Variants in C18orf63 observed in about 807,000 individuals in gnomAD.
C18orf63 encodes the protein uncharacterized protein C18orf63.
In C18orf63, 50 loss-of-function variants were observed where a neutral mutation model predicts 75.3. That is an observed-to-expected ratio of 0.66 (90% CI 0.53 to 0.84). C18orf63 has a LOEUF of 0.84. C18orf63 is among the 40% of genes least tolerant of loss of function. The pLI is 0.00. For synonymous variants in C18orf63, 232 were observed against 267.6 expected, an observed-to-expected ratio of 0.87 and a Z score of 1.30; for missense variants, 732 against 800.2, an observed-to-expected ratio of 0.91 and a Z score of 1.03.
Position 74,354,532 on chromosome 18 carries a change from G to C in C18orf63, c.*19G>C. 1 of 1,363,774 alleles carries C rather than the reference G, an allele frequency of 7.3e-7. No individual in the cohort carries two copies. 84.5% of individuals were successfully genotyped at this position (1,363,774 alleles called of 1,614,324 possible). A position where few individuals can be genotyped will look rare whatever the true frequency, so the allele number is the denominator to read the frequency against. On this transcript the variant is annotated 3_prime_UTR_variant, in exon 13 of 14. Coordinates refer to ENST00000579455, the MANE Select transcript of C18orf63 (RefSeq NM_001174123.2). Reference sequence around the variant, plus strand: ...TGCTTAGAACATGGACCTGAAAGAAGGAAATGTCTACCAGGTAACTGAAGT... The same window carrying C: ...TGCTTAGAACATGGACCTGAAAGAACGAAATGTCTACCAGGTAACTGAAGT...
At chr18:74,352,655 C>G (rs1984687211) in intron 11 of C18orf63, among the ~76,000 whole-genome samples, 1 of 152,148 alleles carries the variant, frequency 6.6e-6, no homozygotes, top group African/African-American at 2.4e-5. Flanking sequence ...TCATTAATTT[C>G]TTTCAACAAG....
intron 7 of C18orf63, among the ~76,000 whole-genome samples, chr18:74,336,250 A>G (rs1984389316): frequency 6.6e-6 from 1 of 151,888 alleles, no homozygotes; most frequent in African/African-American, 2.4e-5. Context: ...TTTTGGTTCA[A>G]ATTTGTATGT....
intron 11 of C18orf63, among the ~76,000 whole-genome samples, chr18:74,346,722 C>G (rs1021009640): frequency 1.3e-5 from 2 of 152,062 alleles, no homozygotes; most frequent in Non-Finnish European, 2.9e-5. Context: ...CAGAACAATG[C>G]ACTTGTTAAA....
chr18:74,343,850 T>C, intron 11 of C18orf63, 148 bp downstream of exon 11: 1 of 433,880 alleles, frequency 2.3e-6, no homozygotes, highest in Non-Finnish European at 4.0e-6. Context: ...CTATTTGTTA[T>C]TATTATTACT....
chr18:74,322,759 G>A lies in C18orf63; in HGVS notation c.270+5G>A. 8.0e-7 allele frequency: 1 copy of A among 1,248,642 alleles called. No individual in the cohort carries two copies. The highest frequency in any genetic ancestry group is 1.1e-6 in the Non-Finnish European group (1 of 911,972). The allele number at this position is 1,248,642 out of a possible 1,614,324, so 77.3% of individuals were successfully genotyped here. Reference sequence around the variant, plus strand: ...GTTGAAAAATATGGAGCTAAGGTAAGTGTTAAAAAATGATATTAATACCAT... The same window carrying A: ...GTTGAAAAATATGGAGCTAAGGTAAATGTTAAAAAATGATATTAATACCAT... On this transcript the variant is annotated splice_donor_5th_base_variant and intron_variant, in intron 4 of 13. Transcript: ENST00000579455.
chr18:74,320,409 A>G (rs1984100162), intron 2 of C18orf63, 104 bp from the exon 3 acceptor site: 2 of 702,672 alleles, frequency 2.8e-6, no homozygotes, highest in African/African-American at 1.8e-5. Context: ...ACTTCCCACC[A>G]GGTCCCTTGC....
chr18:74,316,201 C>A (rs1259163792), intron 1 of C18orf63, 92 bp downstream of exon 1: 1 of 152,048 alleles, frequency 6.6e-6, no homozygotes, highest in Non-Finnish European at 1.5e-5. Context: ...GGCGCCGGCA[C>A]CCTGAGGACG....
intron 11 of C18orf63, among the ~76,000 whole-genome samples, 197 bp downstream of exon 11, chr18:74,343,899 G>T (rs1236131786): frequency 1.3e-5 from 2 of 151,982 alleles, no homozygotes; most frequent in African/African-American, 4.8e-5. Context: ...ATTTAACATG[G>T]TATTATAGTA....
chr18:74,349,944 C>T (rs760089013), intron 11 of C18orf63, among the ~76,000 whole-genome samples: 7 of 152,104 alleles, frequency 4.6e-5, no homozygotes, highest in Non-Finnish European at 8.8e-5. Flanking sequence ...ACCCTAGCTG[C>T]AAAAGATGAA....
intron 11 of C18orf63, among the ~76,000 whole-genome samples, chr18:74,345,211 C>G (rs1450272096): frequency 6.8e-6 from 1 of 146,982 alleles, no homozygotes; most frequent in Non-Finnish European, 1.5e-5. Flanking sequence ...TTTCATTTTT[C>G]TACTGTGTTA....
intron 2 of C18orf63, among the ~76,000 whole-genome samples, chr18:74,319,121 A>C (rs1178700601): frequency 1.3e-5 from 2 of 152,158 alleles, no homozygotes; most frequent in Non-Finnish European, 1.5e-5. Flanking sequence ...CCTGTTAAGG[A>C]CTTAATCTGT....
chr18:74,340,142 C>A (rs1177806443), intron 8 of C18orf63, among the ~76,000 whole-genome samples: 1 of 133,550 alleles, frequency 7.5e-6, no homozygotes, highest in African/African-American at 2.6e-5. Flanking sequence ...ATATAAGGAA[C>A]TCAAATAACT....
Position 74,338,736 on chromosome 18 carries a change from C to T in C18orf63, c.523C>T (p.Gln175Ter). 7.3e-7 allele frequency: 1 copy of T among 1,372,734 alleles called. No individual in the cohort carries two copies. Among genetic ancestry groups the T allele is most frequent in the Non-Finnish European group, 9.5e-7 (1 of 1,048,452 alleles). 85.0% of individuals were successfully genotyped at this position (1,372,734 alleles called of 1,614,324 possible). ...AAAGCTAAAAGAGTTTGAGATTTCC[C>T]AGAGTATTATAAAGGATTTTCATGC... ...APELKEFEISQSIIKDFHANK... is the reference protein window; with the variant it reads ...APELKEFEIS The change falls in exon 8 of 14, where the codon CAG becomes TAG. Residue 175 changes from glutamine to a stop codon, truncating the protein, a stop_gained. Coordinates refer to ENST00000579455, the MANE Select transcript of C18orf63 (RefSeq NM_001174123.2). LOFTEE classifies it high-confidence loss of function.
chr18:74,320,195 C>T lies in C18orf63; in HGVS notation c.135-318C>T, dbSNP rs188784914. Among the ~76,000 whole-genome samples, 16 of 152,220 alleles carry T rather than the reference C, an allele frequency of 1.1e-4. No homozygotes were observed. In the East Asian group the frequency reaches 2.3e-3, roughly 22 times the overall value. On this transcript the variant is annotated intron_variant, in intron 2 of 13. Coordinates refer to ENST00000579455, the MANE Select transcript of C18orf63 (RefSeq NM_001174123.2). ...AAGAGGTTTAATTGACTCACAGTTC[C>T]GCAAGCTTAACAGGAAGCATGATTG...
chr18:74,342,005 A>C, intron 8 of C18orf63, 27 bp from the exon 9 acceptor site: 3 of 1,181,266 alleles, frequency 2.5e-6, no homozygotes. Flanking sequence ...GCATTGGCTC[A>C]TAATAGCTTC....
chr18:74,354,968 T>C (rs1031231639), intron 13 of C18orf63, among the ~76,000 whole-genome samples: 2 of 152,218 alleles, frequency 1.3e-5, no homozygotes, highest in African/African-American at 4.8e-5. Flanking sequence ...ACTCCAAAAG[T>C]GCTACAGTGC....
At chr18:74,341,640 T>C (rs1163430417) in intron 8 of C18orf63, among the ~76,000 whole-genome samples, 1 of 151,966 alleles carries the variant, frequency 6.6e-6, no homozygotes, top group African/African-American at 2.4e-5. Flanking sequence ...TGAGCTGAGA[T>C]CGCACCACTG....
intron 11 of C18orf63, among the ~76,000 whole-genome samples, chr18:74,351,596 A>T (rs1984667954): frequency 6.6e-6 from 1 of 152,230 alleles, no homozygotes; most frequent in Non-Finnish European, 1.5e-5. Context: ...ATCTAACCAC[A>T]CAGCATGAGA....
At chr18:74,344,726 T>G (rs1426502533) in intron 11 of C18orf63, among the ~76,000 whole-genome samples, 2 of 152,196 alleles carry the variant, frequency 1.3e-5, no homozygotes, top group Non-Finnish European at 2.9e-5. Flanking sequence ...GTTTGTGACA[T>G]TCATCCACGT....
Sources: allele counts gnomAD v4.1 joint callset (sites outside exome capture counted in the v4.1 genomes callset), GRCh38; gene constraint gnomAD v4.1.1; transcripts MANE v1.5; gene names NCBI Gene and HGNC (gene_info 2026-07-23, HGNC 2026-07-21).